Variants in DOP1A observed in about 807,000 individuals in gnomAD.
DOP1A encodes protein DOP1A.
A neutral mutation model predicts 267.6 loss-of-function variants in DOP1A; 90 were observed. That is an observed-to-expected ratio of 0.34 (90% CI 0.28 to 0.40). The LOEUF (loss-of-function observed/expected upper bound fraction) is 0.40. Among genes scored for constraint, DOP1A ranks in the 10% least tolerant of loss-of-function variants. The pLI, the probability that DOP1A is intolerant of heterozygous loss-of-function variation, is 1.00. For synonymous variants in DOP1A, 932 were observed against 999.1 expected, an observed-to-expected ratio of 0.93 and a Z score of 1.27; for missense variants, 2,437 against 2,900.4, an observed-to-expected ratio of 0.84 and a Z score of 3.67.
chr6:83,158,583 T>C lies in DOP1A; in HGVS notation c.6758T>C (p.Leu2253Pro). The C allele has an allele frequency of 6.2e-7, 1 of 1,606,956 alleles. No individual in the cohort carries two copies. ...CATTTTCAGGTACAAGTATTTTTACTGATGGAGCAGGAACTCACTGCTGAT... is the reference window on the plus strand; with the variant it reads ...CATTTTCAGGTACAAGTATTTTTACCGATGGAGCAGGAACTCACTGCTGAT... Reference protein sequence around the residue: ...MITELVQVFLLMEQELTADED... With the variant: ...MITELVQVFLPMEQELTADED... Residue 2253 changes from leucine (L) to proline (P), a missense_variant, in exon 36 of 39, where the codon CTG (leucine) becomes CCG (proline). Physicochemically the swap from Leu to Pro is moderately conservative, Grantham distance 98. Around this residue, in one of 9 missense-constraint regions of DOP1A, gnomAD observed 75 missense variants for 149.6 expected, o/e 0.50. Transcript: ENST00000349129.
intron 4 of DOP1A, 83 bp downstream of exon 4, chr6:83,100,969 C>T: frequency 2.1e-6 from 2 of 962,852 alleles, no homozygotes; most frequent in Non-Finnish European, 2.8e-6. Context: ...GCACTAAAAA[C>T]TAAAAATTGA....
chr6:83,086,657 A>G (rs967758398), intron 1 of DOP1A, among the ~76,000 whole-genome samples: 1 of 152,202 alleles, frequency 6.6e-6, no homozygotes, highest in Non-Finnish European at 1.5e-5. Context: ...AATACTGCTG[A>G]GTTGAATAAA....
intron 36 of DOP1A, among the ~76,000 whole-genome samples, chr6:83,159,025 T>C (rs1269355698): frequency 6.6e-6 from 1 of 152,182 alleles, no homozygotes; most frequent in East Asian, 1.9e-4. Flanking sequence ...TTATTCTTTT[T>C]AATAGAGGCA....
At position 83,138,446 on chromosome 6, in the gene DOP1A, C is replaced by T. The variant is rs771511596; in HGVS notation, c.4404C>T (p.Tyr1468=). 1.4e-5 allele frequency: 22 copies of T among 1,612,356 alleles called. No individual in the cohort carries two copies. Among genetic ancestry groups the T allele is most frequent in the Non-Finnish European group, 1.7e-5 (20 of 1,179,870 alleles). ...SLCLYYMRSH[Y]PTHVKVTAQD... ...GCTTATATTACATGCGTAGCCATTA[C>T]CCAACTCATGTCAAGGTTACTGCAC... Residue 1468 remains tyrosine, a synonymous_variant, in exon 21 of 39, where the codon TAC becomes TAT. Transcript: ENST00000349129.
chr6:83,081,483 T>A (rs1168321280), intron 1 of DOP1A, among the ~76,000 whole-genome samples: 1 of 152,100 alleles, frequency 6.6e-6, no homozygotes, highest in Non-Finnish European at 1.5e-5. Flanking sequence ...TAAATCGTGT[T>A]GGGAAAACTG....
intron 17 of DOP1A, among the ~76,000 whole-genome samples, chr6:83,131,453 A>T (rs1463683725): frequency 6.6e-6 from 1 of 152,160 alleles, no homozygotes; most frequent in South Asian, 2.1e-4. Context: ...AATACCTATT[A>T]TCTATTGTAT....
intron 28 of DOP1A, 106 bp from the exon 29 acceptor site, chr6:83,151,777 A>G (rs1781730644): frequency 6.9e-7 from 1 of 1,438,998 alleles, no homozygotes; most frequent in Non-Finnish European, 9.5e-7. Context: ...TATGGGAATC[A>G]ACAAGTCTAT....
In DOP1A at chr6:83,130,371, A is replaced by G. The variant is rs1777823585; in HGVS notation, c.2590A>G (p.Ile864Val). Residue 864 changes from isoleucine (I) to valine (V), a missense_variant, in exon 17 of 39, where the codon ATA (isoleucine) becomes GTA (valine). By Grantham distance (29) the Ile-to-Val change is conservative (BLOSUM62 3). Around this residue, in one of 9 missense-constraint regions of DOP1A, gnomAD observed 878 missense variants for 992.9 expected, o/e 0.88. Transcript: ENST00000349129. ...PPLTQGNLRY[I>V]AEKTEFFKHV... ...CCTCACTCAGGGCAATCTGAGGTAC[A>G]TAGCTGAGAAGACTGAATTTTTCAA... The G allele has an allele frequency of 1.2e-6, 2 of 1,613,478 alleles. No homozygotes were observed. The highest frequency in any genetic ancestry group is 2.7e-5 in the African/African-American group (2 of 74,920).
intron 1 of DOP1A, among the ~76,000 whole-genome samples, chr6:83,068,506 T>C (rs950550152): frequency 8.5e-5 from 13 of 152,160 alleles, no homozygotes; most frequent in Admixed American, 6.5e-5. Flanking sequence ...TAGAGTTCTA[T>C]GGCGTTTGAG....
chr6:83,099,400 T>TG (rs1772115895), intron 3 of DOP1A, among the ~76,000 whole-genome samples: 1 of 152,210 alleles, frequency 6.6e-6, no homozygotes, highest in Non-Finnish European at 1.5e-5. Context: ...CCACAAGAAA[T>TG]TCCATCTAAA....
intron 17 of DOP1A, 128 bp from the exon 18 acceptor site, chr6:83,132,048 C>T: frequency 9.3e-7 from 1 of 1,073,746 alleles, no homozygotes; most frequent in Non-Finnish European, 1.3e-6. Flanking sequence ...ACCTCATCCC[C>T]ATGCAGTAGA....
rs769093694 is a variant in DOP1A, at chr6:83,137,364, A to G, written c.3322A>G (p.Ser1108Gly). Reference sequence around the variant, plus strand: ...AGACCAACAGATAGAAATACTTCAGAGTTCTGACTCGGGATGTTCACAGTC... The same window carrying G: ...AGACCAACAGATAGAAATACTTCAGGGTTCTGACTCGGGATGTTCACAGTC... Reference protein sequence around the residue: ...LPDQQIEILQSSDSGCSQSSA... With the variant: ...LPDQQIEILQGSDSGCSQSSA... Residue 1108 changes from serine (S) to glycine (G), a missense_variant, in exon 21 of 39, where the codon AGT (serine) becomes GGT (glycine). Physicochemically the swap from Ser to Gly is moderately conservative, Grantham distance 56 (BLOSUM62 0). Around this residue, in one of 9 missense-constraint regions of DOP1A, gnomAD observed 878 missense variants for 992.9 expected, o/e 0.88. Coordinates refer to ENST00000349129, the MANE Select transcript of DOP1A (RefSeq NM_015018.4). 3 of 1,613,842 alleles carry G rather than the reference A, an allele frequency of 1.9e-6. No homozygotes were observed. The South Asian group carries it at 3.3e-5, about 18-fold the overall frequency.
At chr6:83,097,230 A>G in intron 3 of DOP1A, 115 bp downstream of exon 3, 2 of 1,197,012 alleles carry the variant, frequency 1.7e-6, no homozygotes, top group Non-Finnish European at 1.2e-6. Context: ...TGAACCTTAG[A>G]TTACTCTTGG....
At chr6:83,167,137 C>G in intron 38 of DOP1A, 1 of 938,870 alleles carries the variant, frequency 1.1e-6, no homozygotes, top group Non-Finnish European at 1.3e-6. Flanking sequence ...CATTTGACTT[C>G]TCTACTAAAA....
chr6:83,123,419 C>A (rs1485753021), intron 12 of DOP1A, among the ~76,000 whole-genome samples: 1 of 151,980 alleles, frequency 6.6e-6, no homozygotes. Context: ...GCCTTCTACC[C>A]CTTAGCAAAT....
chr6:83,071,273 G>A (rs1785540159), intron 1 of DOP1A, among the ~76,000 whole-genome samples: 1 of 151,926 alleles, frequency 6.6e-6, no homozygotes, highest in Admixed American at 6.5e-5. Flanking sequence ...GTGCAGTGGA[G>A]TGAGCTCACT....
At chr6:83,083,285 A>T (rs1019277684) in intron 1 of DOP1A, among the ~76,000 whole-genome samples, 2 of 152,052 alleles carry the variant, frequency 1.3e-5, no homozygotes, top group Non-Finnish European at 2.9e-5. Flanking sequence ...TAACATATGT[A>T]TTTACATTAT....
chr6:83,118,778 T>C, intron 7 of DOP1A, 110 bp from the exon 8 acceptor site: 2 of 719,420 alleles, frequency 2.8e-6, no homozygotes, highest in Non-Finnish European at 4.3e-6. Context: ...TCCATGAAAG[T>C]ACTCCATACA....
intron 15 of DOP1A, 151 bp from the exon 16 acceptor site, chr6:83,128,736 T>A: frequency 1.2e-6 from 1 of 826,720 alleles, no homozygotes; most frequent in South Asian, 2.7e-5. Flanking sequence ...ACTTGGTGAA[T>A]GAATAAATCA....
Sources: gnomAD v4.1 joint callset for allele counts (sites outside exome capture counted in the v4.1 genomes callset) on GRCh38, gnomAD v4.1.1 for gene constraint, gnomAD v4.1.1 regional missense constraint, MANE v1.5 for transcripts, NCBI Gene and HGNC (gene_info 2026-07-23, HGNC 2026-07-21) for gene names.